PHLPP1: variants seen among roughly 807,000 people sequenced by gnomAD.
The protein encoded by PHLPP1 is PH domain leucine-rich repeat-containing protein phosphatase 1.
PHLPP1 carries 42 observed loss-of-function variants against 117.2 expected under a neutral mutation model. The ratio of observed to expected loss-of-function variants is 0.36; its 90% CI spans 0.28 to 0.46. The LOEUF is 0.46. PHLPP1 is among the 20% of genes least tolerant of loss of function. The pLI is 1.00. For missense variants in PHLPP1, 2,084 were observed against 2,241.9 expected, an observed-to-expected ratio of 0.93 and a Z score of 1.42; for synonymous variants, 1,042 against 970.7, an observed-to-expected ratio of 1.07 and a Z score of -1.37.
At chr18:62,827,672 C>T (rs1914646285) in intron 1 of PHLPP1, among the ~76,000 whole-genome samples, 1 of 152,180 alleles carries the variant, frequency 6.6e-6, no homozygotes, top group Admixed American at 6.5e-5. Flanking sequence ...TAGGGTTTTC[C>T]AAGGACAGGC....
At position 62,821,402 on chromosome 18, in the gene PHLPP1, A is replaced by C. The variant is rs1914449300; in HGVS notation, c.1577-8633A>C. ...TGTCTCTACAAAAAGTACAAAAGTCAGCTGGGCATAATGGCATATGCCTGT... is the reference window on the plus strand; with the variant it reads ...TGTCTCTACAAAAAGTACAAAAGTCCGCTGGGCATAATGGCATATGCCTGT... On this transcript the variant is annotated intron_variant, in intron 1 of 16. Transcript: ENST00000262719. Among the ~76,000 whole-genome samples, 3 of 152,248 alleles carry C rather than the reference A, an allele frequency of 2.0e-5. No homozygotes were observed. In the South Asian group the frequency reaches 6.2e-4, roughly 32 times the overall value.
chr18:62,852,586 G>A (rs889166579), intron 3 of PHLPP1, among the ~76,000 whole-genome samples: 19 of 152,154 alleles, frequency 1.2e-4, no homozygotes, highest in African/African-American at 1.9e-4. Context: ...ATCATGATCC[G>A]CCCGCCTCGG....
intron 1 of PHLPP1, among the ~76,000 whole-genome samples, chr18:62,813,841 C>T (rs1447507951): frequency 6.6e-6 from 1 of 152,028 alleles, no homozygotes; most frequent in Non-Finnish European, 1.5e-5. Flanking sequence ...GTATTATTTC[C>T]TGCACCACTA....
chr18:62,968,809 CAGG>C (rs775887420), intron 14 of PHLPP1, among the ~76,000 whole-genome samples: 74 of 152,212 alleles, frequency 4.9e-4, no homozygotes, highest in South Asian at 1.9e-3. Flanking sequence ...GCTGGGATTA[CAGG>C]CATGAGCCAC....
chr18:62,727,160 G>T (rs762935649), intron 1 of PHLPP1, among the ~76,000 whole-genome samples: 28 of 149,454 alleles, frequency 1.9e-4, no homozygotes, highest in Non-Finnish European at 3.8e-4. Context: ...CCTGGGAGGT[G>T]AAGGTTGCAG....
rs1051627077 is a variant in PHLPP1 at position 62,978,238 on chromosome 18, G to A, written c.3985-24G>A. The A allele has an allele frequency of 1.4e-6, 2 of 1,469,366 alleles. No homozygotes were observed. Among genetic ancestry groups the A allele is most frequent in the South Asian group, 1.2e-5 (1 of 82,332 alleles). 91.0% of individuals were successfully genotyped at this position (1,469,366 alleles called of 1,614,324 possible). On this transcript the variant is annotated intron_variant, in intron 16 of 16. Transcript: ENST00000262719. The surrounding 1 kb of genome is among the most constrained non-coding windows in gnomAD (Gnocchi z 7.0). ...CGCAGGTGCTCTGTATTAACTGTCTGTCTGCAAACCCTTGTTCTTCCAGGA... is the reference window on the plus strand; with the variant it reads ...CGCAGGTGCTCTGTATTAACTGTCTATCTGCAAACCCTTGTTCTTCCAGGA...
At chr18:62,812,035 A>G (rs1421960046) in intron 1 of PHLPP1, among the ~76,000 whole-genome samples, 1 of 152,118 alleles carries the variant, frequency 6.6e-6, no homozygotes, top group East Asian at 1.9e-4. Context: ...TAGAAAGTAA[A>G]CTCTATAACC....
intron 7 of PHLPP1, among the ~76,000 whole-genome samples, chr18:62,904,284 G>T (rs1599112823): frequency 6.6e-6 from 1 of 152,208 alleles, no homozygotes; most frequent in African/African-American, 2.4e-5. Context: ...GTAATTAGGG[G>T]ATGCATGCTT....
chr18:62,724,413 G>A (rs1289230768), intron 1 of PHLPP1, among the ~76,000 whole-genome samples: 1 of 152,174 alleles, frequency 6.6e-6, no homozygotes, highest in Non-Finnish European at 1.5e-5. Context: ...TGGATTTTTT[G>A]CACTGTTACT....
At chr18:62,774,703 A>T (rs1239153732) in intron 1 of PHLPP1, among the ~76,000 whole-genome samples, 1 of 152,200 alleles carries the variant, frequency 6.6e-6, no homozygotes, top group East Asian at 1.9e-4. Context: ...TAGAAACCTT[A>T]TCCTTTCCTT....
rs137994915 is a variant in PHLPP1 at position 62,729,165 on chromosome 18, C to T, written c.1576+11906C>T. Among the ~76,000 whole-genome samples the T allele has an allele frequency of 2.2e-4, 34 of 152,190 alleles. 1 individual carries two copies. In the East Asian group the frequency reaches 5.0e-3, roughly 22 times the overall value. ...TAGAACATCTGCCATCTTTGGCAAA[C>T]GGGCTTTCATGGTCTATTGACCAAT... On this transcript the variant is annotated intron_variant, in intron 1 of 16. Transcript: ENST00000262719.
intron 2 of PHLPP1, among the ~76,000 whole-genome samples, chr18:62,836,117 G>A (rs1331992869): frequency 6.6e-6 from 1 of 151,340 alleles, no homozygotes; most frequent in Non-Finnish European, 1.5e-5. Context: ...TAAATTACTG[G>A]GTTTTCTAAA....
chr18:62,754,801 G>A (rs1256790189), intron 1 of PHLPP1, among the ~76,000 whole-genome samples: 1 of 152,196 alleles, frequency 6.6e-6, no homozygotes, highest in Non-Finnish European at 1.5e-5. Context: ...AATGTTCACG[G>A]CGTTACATTT....
rs1568181094 is a variant in PHLPP1, at chr18:62,979,057, G to A, written c.4780G>A (p.Gly1594Ser). The A allele has an allele frequency of 6.2e-7, 1 of 1,613,778 alleles. No individual in the cohort carries two copies. The highest frequency in any genetic ancestry group is 2.2e-5 in the East Asian group (1 of 44,876). Residue 1594 changes from glycine to serine, a missense_variant, in exon 17 of 17, where the codon GGC becomes AGC. Physicochemically the swap from Gly to Ser is moderately conservative, Grantham distance 56. Transcript: ENST00000262719. ...LQVPAEASDEGIVISANEDEP... is the reference protein window; with the variant it reads ...LQVPAEASDESIVISANEDEP... ...GGTGCCAGCAGAGGCCAGTGATGAG[G>A]GCATTGTCATCAGCGCCAACGAGGA...
chr18:62,805,764 T>A (rs1913931500), intron 1 of PHLPP1, among the ~76,000 whole-genome samples: 3 of 152,298 alleles, frequency 2.0e-5, no homozygotes, highest in Admixed American at 1.3e-4. Context: ...GGTGTCTACT[T>A]AAGAAACCTT....
intron 4 of PHLPP1, among the ~76,000 whole-genome samples, chr18:62,888,466 T>C (rs913061262): frequency 6.6e-6 from 1 of 152,098 alleles, no homozygotes; most frequent in Non-Finnish European, 1.5e-5. Context: ...TTTGGGAGGC[T>C]GAGGCAGGTA....
At chr18:62,743,717 T>C (rs1370080539) in intron 1 of PHLPP1, among the ~76,000 whole-genome samples, 1 of 152,196 alleles carries the variant, frequency 6.6e-6, no homozygotes, top group African/African-American at 2.4e-5. Context: ...GTCTTTTAAA[T>C]TTCTTTTAAT....
intron 1 of PHLPP1, among the ~76,000 whole-genome samples, chr18:62,729,476 C>T (rs1212804157): frequency 1.3e-5 from 2 of 152,128 alleles, no homozygotes; most frequent in Non-Finnish European, 2.9e-5. Flanking sequence ...GCGGGCAGAT[C>T]ACTTGAGGTC....
chr18:62,905,082 A>C (rs1916811891), intron 7 of PHLPP1, 142 bp from the exon 8 acceptor site: 1 of 438,340 alleles, frequency 2.3e-6, no homozygotes, highest in African/African-American at 2.0e-5. Flanking sequence ...GCACTTTCAA[A>C]GTTAAACAAA....
Sources: allele counts gnomAD v4.1 joint callset (sites outside exome capture counted in the v4.1 genomes callset), GRCh38; gene constraint gnomAD v4.1.1; non-coding constraint Gnocchi (gnomAD v3.1); transcripts MANE v1.5; gene names NCBI Gene and HGNC (gene_info 2026-07-23, HGNC 2026-07-21).